SGMS2: variants seen among roughly 807,000 people sequenced by gnomAD.
SGMS2 encodes sphingomyelin synthase 2.
Under a neutral mutation model 43.8 loss-of-function variants are expected in SGMS2, and 21 were observed. The observed-to-expected ratio is 0.48, with a 90% CI of 0.34 to 0.69. The LOEUF (loss-of-function observed/expected upper bound fraction) is 0.69. SGMS2 is among the 30% of genes least tolerant of loss of function. SGMS2 has a pLI of 0.01. For missense variants in SGMS2, 384 were observed against 443.2 expected (o/e 0.87, Z 1.20); for synonymous variants, 167 against 160.6 (o/e 1.04, Z -0.30).
Position 107,910,489 on chromosome 4 carries a change from A to G in SGMS2, c.1034A>G (p.Lys345Arg), listed in dbSNP as rs1382176219. Residue 345 changes from lysine (K) to arginine (R), a missense_variant, in exon 7 of 7, where the codon AAA (lysine) becomes AGA (arginine). Physicochemically the swap from Lys to Arg is conservative, Grantham distance 26 (BLOSUM62 2). Transcript: ENST00000690982. The part of the protein sequence containing the change: ...WPLSWPPGCF[K>R]SSCKKYSRVQ... ...CTGTCTTGGCCTCCTGGCTGCTTCA[A>G]ATCATCATGCAAAAAGTATTCACGG... The G allele has an allele frequency of 1.2e-6, 2 of 1,614,034 alleles. No individual in the cohort carries two copies. Among genetic ancestry groups the G allele is most frequent in the Non-Finnish European group, 8.5e-7 (1 of 1,179,986 alleles).
chr4:107,843,505 A>T (rs1726637756), intron 1 of SGMS2, among the ~76,000 whole-genome samples: 1 of 152,212 alleles, frequency 6.6e-6, no homozygotes, highest in Non-Finnish European at 1.5e-5. Flanking sequence ...TGTGCTTGTC[A>T]ACAAAGAGAA....
chr4:107,896,074 G>A, intron 3 of SGMS2, 66 bp downstream of exon 3: 6 of 1,430,060 alleles, frequency 4.2e-6, no homozygotes, highest in Non-Finnish European at 5.7e-6. Flanking sequence ...ATGGGTTATT[G>A]AGATTATTTT....
chr4:107,825,234 G>A lies in SGMS2; in HGVS notation c.-346G>A. Reference sequence around the variant, plus strand: ...CAAGTGCCTTCAGCTGGGAGTGTCTGGAGCCCTGGCCACCAGCGGGTAAGG... The same window carrying A: ...CAAGTGCCTTCAGCTGGGAGTGTCTAGAGCCCTGGCCACCAGCGGGTAAGG... On this transcript the variant is annotated 5_prime_UTR_variant, in exon 1 of 7. Coordinates refer to ENST00000690982, the MANE Select transcript of SGMS2 (RefSeq NM_001375905.1). 6.6e-6 allele frequency: 1 copy of A among 152,580 alleles called. No homozygotes were observed. The highest frequency in any genetic ancestry group is 1.5e-5 in the Non-Finnish European group (1 of 68,282). The allele number at this position is 152,580 out of a possible 1,614,324, so 9.5% of individuals were successfully genotyped here. A position where few individuals can be genotyped will look rare whatever the true frequency, so the allele number is the denominator to read the frequency against.
intron 1 of SGMS2, among the ~76,000 whole-genome samples, chr4:107,834,328 A>G (rs1726056881): frequency 6.6e-6 from 1 of 152,212 alleles, no homozygotes; most frequent in South Asian, 2.1e-4. Flanking sequence ...TTCTATACCT[A>G]ACAATTATTT....
chr4:107,908,540 ACT>A (rs1445110599), intron 5 of SGMS2, 23 bp from the exon 6 acceptor site: 2 of 1,603,542 alleles, frequency 1.2e-6, no homozygotes, highest in African/African-American at 1.3e-5. Flanking sequence ...AATCTTATTA[ACT>A]CTGTAATTTT....
At chr4:107,852,513 CTATTA>C (rs1292605577) in intron 1 of SGMS2, among the ~76,000 whole-genome samples, 2 of 152,094 alleles carry the variant, frequency 1.3e-5, no homozygotes, top group Non-Finnish European at 2.9e-5. Flanking sequence ...ATCTATAAAT[CTATTA>C]TATGTTAGCA....
intron 1 of SGMS2, among the ~76,000 whole-genome samples, chr4:107,837,527 C>T (rs538652909): frequency 5.3e-5 from 8 of 152,030 alleles, no homozygotes; most frequent in African/African-American, 9.7e-5. Flanking sequence ...ATGGGTGTGG[C>T]GAGGCAGGCA....
Position 107,899,561 on chromosome 4 carries a change from A to AT in SGMS2, c.456-8dup, listed in dbSNP as rs764614239. 8.2e-6 allele frequency: 13 copies of AT among 1,585,572 alleles called. No individual in the cohort carries two copies. The highest frequency in any genetic ancestry group is 2.2e-5 in the East Asian group (1 of 44,488). On this transcript the variant is annotated splice_polypyrimidine_tract_variant and intron_variant, in intron 3 of 6. Transcript: ENST00000690982. ...AGTAAACTTGTTTTTCCCCATCCCT[A>AT]TTTTTTCTTTTAGGTCAATAGTGGG...
In SGMS2 at chr4:107,896,848, C is replaced by G. The variant is rs369416729; in HGVS notation, c.455+840C>G. Among the ~76,000 whole-genome samples, 116 of 152,274 alleles carry G rather than the reference C, an allele frequency of 7.6e-4. 1 individual carries two copies. Among genetic ancestry groups the G allele is most frequent in the African/African-American group, 2.6e-3 (109 of 41,542 alleles). ...TAAAAACGAAGGCTCCTTAATTCCT[C>G]CTTTCCTCTCATTCATCATTTAGAC... On this transcript the variant is annotated intron_variant, in intron 3 of 6. Coordinates refer to ENST00000690982, the MANE Select transcript of SGMS2 (RefSeq NM_001375905.1).
At chr4:107,888,197 T>A (rs1402180958) in intron 2 of SGMS2, among the ~76,000 whole-genome samples, 3 of 152,040 alleles carry the variant, frequency 2.0e-5, no homozygotes, top group Non-Finnish European at 4.4e-5. Flanking sequence ...GAAGATGGGG[T>A]TTAATTGCTG....
chr4:107,874,277 A>C (rs1402041493), intron 2 of SGMS2, among the ~76,000 whole-genome samples: 1 of 152,182 alleles, frequency 6.6e-6, no homozygotes, highest in Admixed American at 6.6e-5. Context: ...GCATTACTTT[A>C]GTAGAGTAGG....
chr4:107,900,053 G>T (rs1398317916), intron 4 of SGMS2, among the ~76,000 whole-genome samples: 1 of 151,956 alleles, frequency 6.6e-6, no homozygotes, highest in Non-Finnish European at 1.5e-5. Flanking sequence ...TCTATTGAGG[G>T]ATGACAAATT....
At chr4:107,869,218 G>A (rs1028379509) in intron 2 of SGMS2, among the ~76,000 whole-genome samples, 2 of 152,150 alleles carry the variant, frequency 1.3e-5, no homozygotes, top group African/African-American at 2.4e-5. Flanking sequence ...TCATTTCTAG[G>A]TCCAGTAGCA....
In SGMS2 at chr4:107,914,562, T is replaced by A. The variant is rs1378506306; in HGVS notation, c.*4009T>A. On this transcript the variant is annotated 3_prime_UTR_variant, in exon 7 of 7. Coordinates refer to ENST00000690982, the MANE Select transcript of SGMS2 (RefSeq NM_001375905.1). ...GTACTGTTTCAATGTGTTAAGTGCC[T>A]TGTTGTAAAGTAAAATTTTAAGTCT... The A allele has an allele frequency of 6.6e-6, 1 of 152,136 alleles. No homozygotes were observed. Among genetic ancestry groups the A allele is most frequent in the Non-Finnish European group, 1.5e-5 (1 of 67,986 alleles). The allele number at this position is 152,136 out of a possible 1,614,324, so 9.4% of individuals were successfully genotyped here. A position where few individuals can be genotyped will look rare whatever the true frequency, so the allele number is the denominator to read the frequency against.
chr4:107,827,554 G>T (rs76293257), intron 1 of SGMS2, among the ~76,000 whole-genome samples: 1 of 152,128 alleles, frequency 6.6e-6, no homozygotes, highest in Non-Finnish European at 1.5e-5. Flanking sequence ...TTATGAGGCC[G>T]AATAATAAAA....
chr4:107,849,864 G>C (rs1043121108), intron 1 of SGMS2, among the ~76,000 whole-genome samples: 1 of 152,052 alleles, frequency 6.6e-6, no homozygotes, highest in African/African-American at 2.4e-5. Flanking sequence ...TACTAAATTT[G>C]AAATGAAAAA....
intron 1 of SGMS2, among the ~76,000 whole-genome samples, chr4:107,850,695 T>A (rs1727088974): frequency 1.3e-5 from 2 of 152,122 alleles, no homozygotes; most frequent in Non-Finnish European, 1.5e-5. Flanking sequence ...GACTTAGAAG[T>A]CTGAGGTAAA....
chr4:107,888,653 G>A (rs907669820), intron 2 of SGMS2, among the ~76,000 whole-genome samples: 2 of 151,638 alleles, frequency 1.3e-5, no homozygotes, highest in Admixed American at 6.6e-5. Context: ...GTATTTCCTG[G>A]TTCATTTTAC....
At chr4:107,853,726 T>C (rs1360041178) in intron 1 of SGMS2, among the ~76,000 whole-genome samples, 1 of 152,220 alleles carries the variant, frequency 6.6e-6, no homozygotes, top group Non-Finnish European at 1.5e-5. Flanking sequence ...ATCTGACACA[T>C]GTGATCCCTT....
Sources: gnomAD v4.1 joint callset for allele counts (sites outside exome capture counted in the v4.1 genomes callset) on GRCh38, gnomAD v4.1.1 for gene constraint, MANE v1.5 for transcripts, NCBI Gene and HGNC (gene_info 2026-07-23, HGNC 2026-07-21) for gene names.